The following SEL1L2 variants were observed in gnomAD, a reference collection of about 807,000 sequenced individuals.
The protein encoded by SEL1L2 is protein sel-1 homolog 2.
SEL1L2 carries 89 observed loss-of-function variants against 98.8 expected under a neutral mutation model. The observed-to-expected ratio is 0.90, with a 90% CI of 0.76 to 1.07. The LOEUF (loss-of-function observed/expected upper bound fraction) is 1.07, where lower values mean the gene tolerates loss of function less well. Ranked by LOEUF, SEL1L2 falls within the 50% of genes least tolerant of loss-of-function variation. The pLI, the probability that SEL1L2 is intolerant of heterozygous loss-of-function variation, is 0.00. For missense variants in SEL1L2, 788 were observed against 812.0 expected (o/e 0.97, Z 0.36); for synonymous variants, 262 against 278.5 (o/e 0.94, Z 0.59).
chr20:13,892,372 C>T (rs1045009607), intron 5 of SEL1L2, among the ~76,000 whole-genome samples: 3 of 151,792 alleles, frequency 2.0e-5, no homozygotes, highest in African/African-American at 4.8e-5. Context: ...ATTGCTTGAA[C>T]CTGAGAGGTG....
intron 17 of SEL1L2, among the ~76,000 whole-genome samples, chr20:13,864,270 G>A (rs953329656): frequency 6.6e-6 from 1 of 152,146 alleles, no homozygotes; most frequent in African/African-American, 2.4e-5. Context: ...ATATGAGAAA[G>A]CACCACTGTG....
chr20:13,929,558 C>G (rs1392388872), intron 3 of SEL1L2, among the ~76,000 whole-genome samples: 1 of 136,040 alleles, frequency 7.4e-6, no homozygotes, highest in Non-Finnish European at 1.5e-5. Flanking sequence ...TGCAGTGGCC[C>G]GATCTCAGCT....
chr20:13,936,419 C>G (rs2049456404), intron 2 of SEL1L2, among the ~76,000 whole-genome samples: 1 of 152,202 alleles, frequency 6.6e-6, no homozygotes, highest in South Asian at 2.1e-4. Context: ...AGCCACAATT[C>G]TAGAGGTCAC....
At chr20:13,991,774 C>T (rs1175143627), upstream of SEL1L2, among the ~76,000 whole-genome samples, 3 of 152,126 alleles carry the variant, frequency 2.0e-5, no homozygotes, top group African/African-American at 7.2e-5. Flanking sequence ...AGTTGGATTA[C>T]TTGAGGCCAG....
At chr20:13,976,824 G>A (rs1022509332) in intron 1 of SEL1L2, among the ~76,000 whole-genome samples, 8 of 152,160 alleles carry the variant, frequency 5.3e-5, no homozygotes, top group Non-Finnish European at 1.0e-4. Context: ...CCCTGAGGAC[G>A]TAGAATTGAC....
chr20:13,880,156 T>C (rs1331630972), intron 10 of SEL1L2, among the ~76,000 whole-genome samples: 1 of 152,260 alleles, frequency 6.6e-6, no homozygotes, highest in East Asian at 1.9e-4. Flanking sequence ...CTTTAATCTT[T>C]ATAGGCTCTT....
chr20:13,964,372 C>A lies in SEL1L2; in HGVS notation c.59-8241G>T, dbSNP rs1265171336. ...GCCCAAGGACCCCACCCCACCCCAC[C>A]CCCAAATGCAACCTGCCCTTTTTCG... On this transcript the variant is annotated intron_variant, in intron 1 of 19. Coordinates refer to ENST00000284951, the MANE Select transcript of SEL1L2 (RefSeq NM_025229.2). 4.6e-5 allele frequency among the ~76,000 whole-genome samples: 7 copies of A among 151,618 alleles called. No homozygotes were observed. In the South Asian group the frequency reaches 1.3e-3, roughly 27 times the overall value.
At chr20:13,881,661 G>A (rs546783758) in intron 10 of SEL1L2, among the ~76,000 whole-genome samples, 14 of 152,292 alleles carry the variant, frequency 9.2e-5, no homozygotes, top group Admixed American at 7.8e-4. Flanking sequence ...AACGTTTTCT[G>A]TGATGACAAC....
chr20:13,978,441 AG>A (rs1310294404), intron 1 of SEL1L2, among the ~76,000 whole-genome samples: 1 of 152,232 alleles, frequency 6.6e-6, no homozygotes, highest in African/African-American at 2.4e-5. Context: ...TGTGGAGAAA[AG>A]GGAACATTTA....
chr20:13,907,702 CTT>C (rs2048002380), intron 5 of SEL1L2, among the ~76,000 whole-genome samples: 2 of 59,116 alleles, frequency 3.4e-5, no homozygotes, highest in Non-Finnish European at 6.9e-5. Context: ...CTTTCTTTCT[CTT>C]TCTTTCTTTC....
intron 3 of SEL1L2, among the ~76,000 whole-genome samples, chr20:13,931,265 C>T (rs534292202): frequency 1.3e-5 from 2 of 151,626 alleles, no homozygotes; most frequent in African/African-American, 2.4e-5. Context: ...CTCCTGACCT[C>T]GTGATCTGCC....
At chr20:13,857,202 ATT>A (rs1207594766) in intron 18 of SEL1L2, among the ~76,000 whole-genome samples, 29 of 141,366 alleles carry the variant, frequency 2.1e-4, no homozygotes, top group Admixed American at 2.1e-4. Flanking sequence ...GTAGTCCCTG[ATT>A]TTTTTTTTTT....
chr20:13,990,696 C>CGGAAT, upstream of SEL1L2: 1 of 576,850 alleles, frequency 1.7e-6, no homozygotes, highest in South Asian at 2.3e-5. Flanking sequence ...CCTTTCAAGC[C>CGGAAT]GGAATGAAGG....
intron 2 of SEL1L2, among the ~76,000 whole-genome samples, chr20:13,942,777 C>T (rs530955701): frequency 2.6e-5 from 4 of 152,044 alleles, no homozygotes; most frequent in Admixed American, 2.0e-4. Context: ...TAAATAAATG[C>T]ATGTATGTTT....
At chr20:13,991,153 C>T (rs925546800), upstream of SEL1L2, among the ~76,000 whole-genome samples, 1 of 152,122 alleles carries the variant, frequency 6.6e-6, no homozygotes, top group Non-Finnish European at 1.5e-5. Flanking sequence ...ACAAGTGGTA[C>T]CTTCAAAGCT....
chr20:13,912,102 G>T (rs765864982), intron 5 of SEL1L2, among the ~76,000 whole-genome samples: 7 of 151,914 alleles, frequency 4.6e-5, no homozygotes, highest in Non-Finnish European at 8.8e-5. Flanking sequence ...AGAAGGATGC[G>T]GTACCCAATG....
rs748777741 is a variant in SEL1L2 at position 13,850,250 on chromosome 20, G to T, written c.1888C>A (p.Leu630Ile). 1.2e-6 allele frequency: 2 copies of T among 1,614,018 alleles called. No homozygotes were observed. Among genetic ancestry groups the T allele is most frequent in the Admixed American group, 3.3e-5 (2 of 60,018 alleles). ...GTTTCCAGTTTCATGACGGCAAAGA[G>T]CACAGGTATGTGGGCATCTGGACTC... ...QTSPDAHIPV[L>I]FAVMKLETTH... Residue 630 changes from leucine to isoleucine, a missense_variant, in exon 19 of 20, where the codon CTC becomes ATC. Transcript: ENST00000284951.
intron 4 of SEL1L2, among the ~76,000 whole-genome samples, chr20:13,918,585 T>C (rs2048511515): frequency 1.3e-5 from 2 of 152,224 alleles, no homozygotes; most frequent in Non-Finnish European, 2.9e-5. Flanking sequence ...ATAAGACTGT[T>C]CTGGGGATAA....
At position 13,931,663 on chromosome 20, in the gene SEL1L2, G is replaced by A. The variant is rs41275404; in HGVS notation, c.223C>T (p.Arg75Cys). ...ENLLEKKKNQ[R>C]KIRIKGIQNK... Reference sequence around the variant, plus strand: ...TGAATTCCTTTTATTCTTATTTTACGTTGATTCTTCTTTTTCTCCAGGAGA... The same window carrying A: ...TGAATTCCTTTTATTCTTATTTTACATTGATTCTTCTTTTTCTCCAGGAGA... Residue 75 changes from arginine to cysteine, a missense_variant, in exon 3 of 20, where the codon CGT (arginine) becomes TGT (cysteine). Coordinates refer to ENST00000284951, the MANE Select transcript of SEL1L2 (RefSeq NM_025229.2). 169,635 of 1,508,626 alleles carry A rather than the reference G, an allele frequency of 0.11. 10,814 individuals carry two copies. Among genetic ancestry groups the A allele is most frequent in the Middle Eastern group, 0.16 (770 of 4,936 alleles). The allele number at this position is 1,508,626 out of a possible 1,614,324, so 93.5% of individuals were successfully genotyped here.
Sources: allele counts gnomAD v4.1 joint callset (sites outside exome capture counted in the v4.1 genomes callset), GRCh38; gene constraint gnomAD v4.1.1; transcripts MANE v1.5; gene names NCBI Gene and HGNC (gene_info 2026-07-23, HGNC 2026-07-21).